The following DNAAF11 variants were observed in gnomAD, a reference collection of about 807,000 sequenced individuals.
DNAAF11 encodes the protein leucine rich repeat containing 6.
In DNAAF11, 45 loss-of-function variants were observed where a neutral mutation model predicts 60.8. The ratio of observed to expected loss-of-function variants is 0.74; its 90% confidence interval spans 0.58 to 0.95. The LOEUF is 0.95. Among genes scored for constraint, DNAAF11 ranks in the 40% least tolerant of loss-of-function variants. The pLI is 0.00. For synonymous variants in DNAAF11, 191 were observed against 183.5 expected (o/e 1.04, Z -0.33); for missense variants, 546 against 546.2 (o/e 1.00, Z 0.00).
At chr8:132,689,775 G>T in the DNAAF11 span, among the ~76,000 whole-genome samples, 8 of 152,172 alleles carry the variant, frequency 5.3e-5, no homozygotes, top group Non-Finnish European at 1.2e-4. Flanking sequence ...CCAGGCTGAA[G>T]TGCAGTGGCA....
At chr8:132,599,557 A>T (rs1045798464) in intron 10 of DNAAF11, among the ~76,000 whole-genome samples, 1 of 152,202 alleles carries the variant, frequency 6.6e-6, no homozygotes, top group South Asian at 2.1e-4. Context: ...CCAGCAGCAC[A>T]TCAAAAAGCT....
chr8:132,607,062 T>C (rs1461214009), intron 10 of DNAAF11, among the ~76,000 whole-genome samples: 2 of 152,216 alleles, frequency 1.3e-5, no homozygotes, highest in South Asian at 2.1e-4. Context: ...ATCCTGGATC[T>C]TCCCATTCAC....
chr8:132,615,537 A>C (rs149467779), intron 7 of DNAAF11, among the ~76,000 whole-genome samples: 113 of 152,222 alleles, frequency 7.4e-4, no homozygotes, highest in Non-Finnish European at 1.4e-3. Context: ...TTTTCTTGCT[A>C]TCTTTTTTCT....
the DNAAF11 span, among the ~76,000 whole-genome samples, chr8:132,698,168 A>G: frequency 2.0e-5 from 3 of 152,172 alleles, no homozygotes; most frequent in Non-Finnish European, 4.4e-5. Flanking sequence ...TCGCAGCACA[A>G]CATAAGGCAG....
upstream of DNAAF11, among the ~76,000 whole-genome samples, chr8:132,676,324 T>C (rs909444281): frequency 1.3e-5 from 2 of 152,182 alleles, no homozygotes; most frequent in Non-Finnish European, 2.9e-5. Context: ...ATCAGCAAGC[T>C]CATTCACCCT....
chr8:132,576,096 T>C (rs34088421), intron 11 of DNAAF11, among the ~76,000 whole-genome samples: 9,494 of 152,264 alleles, frequency 0.062, 380 homozygotes, highest in South Asian at 0.083. Flanking sequence ...ATTTCTTTTT[T>C]AAGGAAGGGA....
At chr8:132,586,781 T>C (rs1271627240) in intron 10 of DNAAF11, among the ~76,000 whole-genome samples, 2 of 152,152 alleles carry the variant, frequency 1.3e-5, no homozygotes, top group Non-Finnish European at 2.9e-5. Flanking sequence ...AGACCTTTGT[T>C]GGTCCTGCAT....
At chr8:132,634,002 GTTT>G (rs530921082) in intron 4 of DNAAF11, among the ~76,000 whole-genome samples, 115 of 152,024 alleles carry the variant, frequency 7.6e-4, no homozygotes, top group African/African-American at 2.3e-3. Context: ...AAGTCACTAA[GTTT>G]GTCTCAATTT....
chr8:132,629,409 C>A (rs550198119), intron 5 of DNAAF11, among the ~76,000 whole-genome samples: 1 of 151,080 alleles, frequency 6.6e-6, no homozygotes, highest in South Asian at 2.1e-4. Context: ...GTGCAGTGGC[C>A]CAATCTCGGC....
At chr8:132,576,631 T>C (rs1172345998) in intron 11 of DNAAF11, among the ~76,000 whole-genome samples, 1 of 152,176 alleles carries the variant, frequency 6.6e-6, no homozygotes, top group Non-Finnish European at 1.5e-5. Context: ...CTAAACCTTT[T>C]TGAGCACTGA....
At chr8:132,668,632 C>T (rs1030656670) in intron 1 of DNAAF11, among the ~76,000 whole-genome samples, 6 of 152,046 alleles carry the variant, frequency 3.9e-5, no homozygotes, top group East Asian at 1.9e-4. Flanking sequence ...TTAATAGAGA[C>T]GGGGTTTCAC....
the DNAAF11 span, among the ~76,000 whole-genome samples, chr8:132,694,580 C>T: frequency 6.6e-6 from 1 of 152,162 alleles, no homozygotes; most frequent in Non-Finnish European, 1.5e-5. Flanking sequence ...CAAACTAATA[C>T]AGGGCAAAGA....
intron 9 of DNAAF11, 119 bp from the exon 10 acceptor site, chr8:132,610,380 A>C (rs1175262925): frequency 1.5e-6 from 1 of 649,904 alleles, no homozygotes; most frequent in Non-Finnish European, 2.7e-6. Flanking sequence ...AATGTGCTTA[A>C]GCTTATTAAA....
the DNAAF11 span, among the ~76,000 whole-genome samples, chr8:132,692,976 C>T: frequency 6.6e-6 from 1 of 152,222 alleles, no homozygotes; most frequent in Non-Finnish European, 1.5e-5. Flanking sequence ...CTATAAGGAG[C>T]AGCTTCCATC....
the DNAAF11 span, among the ~76,000 whole-genome samples, chr8:132,685,399 G>A: frequency 7.2e-5 from 11 of 152,094 alleles, no homozygotes; most frequent in Non-Finnish European, 8.8e-5. Flanking sequence ...TGGGGAAATT[G>A]CCAGTAACTG....
upstream of DNAAF11, among the ~76,000 whole-genome samples, chr8:132,678,374 G>T (rs536355646): frequency 6.6e-6 from 1 of 152,250 alleles, no homozygotes; most frequent in South Asian, 2.1e-4. Context: ...TGTTATTTCT[G>T]TAAACCAGTG....
chr8:132,635,831 G>T (rs1170077998), intron 4 of DNAAF11, among the ~76,000 whole-genome samples: 1 of 152,114 alleles, frequency 6.6e-6, no homozygotes, highest in African/African-American at 2.4e-5. Context: ...AAGCCAATAT[G>T]ACTGGTGTCT....
Position 132,572,271 on chromosome 8 carries a change from GTGGGTCTCAGCCAA to G in DNAAF11, c.*21_*34del. ...TCTACACCAACCAAAACTGGACCTG[GTGGGTCTCAGCCAA>G]TGGCAACGCAGCCAGATGTTTCAAA... On this transcript the variant is annotated 3_prime_UTR_variant, in exon 12 of 12. Coordinates refer to ENST00000620350, the MANE Select transcript of DNAAF11 (RefSeq NM_012472.6). 6.3e-7 allele frequency: 1 copy of G among 1,592,348 alleles called. No individual in the cohort carries two copies. Among genetic ancestry groups the G allele is most frequent in the South Asian group, 1.1e-5 (1 of 87,076 alleles).
At chr8:132,651,409 C>T (rs1823001277) in intron 3 of DNAAF11, among the ~76,000 whole-genome samples, 1 of 152,026 alleles carries the variant, frequency 6.6e-6, no homozygotes, top group Non-Finnish European at 1.5e-5. Flanking sequence ...ACCTCAATCC[C>T]TTAAAATTAA....
Sources: gnomAD v4.1 joint callset for allele counts (sites outside exome capture counted in the v4.1 genomes callset) on GRCh38, gnomAD v4.1.1 for gene constraint, MANE v1.5 for transcripts, NCBI Gene and HGNC (gene_info 2026-07-23, HGNC 2026-07-21) for gene names.